The following STRIP2 variants were observed in gnomAD, a reference collection of about 807,000 sequenced individuals.
The protein encoded by STRIP2 is striatin-interacting protein 2.
A neutral mutation model predicts 107.1 loss-of-function variants in STRIP2; 84 were observed. That is an observed-to-expected ratio of 0.78 (90% CI 0.66 to 0.94). The LOEUF (loss-of-function observed/expected upper bound fraction) is 0.94. STRIP2 is among the 40% of genes least tolerant of loss of function. STRIP2 has a pLI of 0.00. For missense variants in STRIP2, 888 were observed against 1,034.2 expected (o/e 0.86, Z 1.94); for synonymous variants, 394 against 400.4 (o/e 0.98, Z 0.19).
chr7:129,448,581 AAGTAGGAATAT>A (rs1798098723), intron 3 of STRIP2, among the ~76,000 whole-genome samples: 1 of 152,092 alleles, frequency 6.6e-6, no homozygotes, highest in African/African-American at 2.4e-5. Flanking sequence ...TGCTTGTATA[AAGTAGGAATAT>A]AGTAGGCTTC....
intron 8 of STRIP2, among the ~76,000 whole-genome samples, chr7:129,455,916 G>A (rs113341335): frequency 0.013 from 1,928 of 152,270 alleles, 52 homozygotes; most frequent in African/African-American, 0.045. Flanking sequence ...TTACAGGCAT[G>A]AGCCATTGTG....
At chr7:129,468,351 A>G (rs1450044800) in intron 17 of STRIP2, among the ~76,000 whole-genome samples, 1 of 152,096 alleles carries the variant, frequency 6.6e-6, no homozygotes, top group Non-Finnish European at 1.5e-5. Flanking sequence ...AAACACACAC[A>G]CACCCTATGG....
At chr7:129,478,052 G>A (rs1799018318) in intron 18 of STRIP2, 2 of 369,398 alleles carry the variant, frequency 5.4e-6, no homozygotes, top group Admixed American at 3.5e-5. Flanking sequence ...TATTGGAATG[G>A]TGGTGATACG....
intron 18 of STRIP2, among the ~76,000 whole-genome samples, chr7:129,477,134 A>G (rs1798982492): frequency 7.0e-6 from 1 of 142,414 alleles, no homozygotes; most frequent in Admixed American, 7.1e-5. Context: ...AGTACAGTCC[A>G]GCTTCCGCTC....
chr7:129,460,937 G>A (rs553802593), intron 13 of STRIP2, among the ~76,000 whole-genome samples: 1 of 152,370 alleles, frequency 6.6e-6, no homozygotes, highest in East Asian at 1.9e-4. Flanking sequence ...CGCAGTCAAA[G>A]GGAAGGCAGC....
intron 3 of STRIP2, among the ~76,000 whole-genome samples, chr7:129,445,593 A>G (rs906705034): frequency 5.3e-5 from 8 of 152,214 alleles, no homozygotes; most frequent in African/African-American, 1.9e-4. Flanking sequence ...ATGCTGATTC[A>G]GAGCATACAC....
chr7:129,465,740 G>A (rs28478441), intron 16 of STRIP2, among the ~76,000 whole-genome samples: 1 of 152,164 alleles, frequency 6.6e-6, no homozygotes, highest in African/African-American at 2.4e-5. Context: ...TGGTTTCATG[G>A]GCATTGCCAA....
At chr7:129,479,726 A>G (rs1799070324) in intron 18 of STRIP2, among the ~76,000 whole-genome samples, 1 of 152,106 alleles carries the variant, frequency 6.6e-6, no homozygotes, top group East Asian at 1.9e-4. Context: ...TCCTGAACTC[A>G]GGTCATCTGC....
intron 18 of STRIP2, among the ~76,000 whole-genome samples, chr7:129,480,087 A>G (rs1799079846): frequency 6.6e-6 from 1 of 152,180 alleles, no homozygotes; most frequent in African/African-American, 2.4e-5. Context: ...AGCTTCTGAC[A>G]CCAGTATGTA....
At chr7:129,452,146 A>G (rs1050703813) in intron 4 of STRIP2, among the ~76,000 whole-genome samples, 2 of 152,192 alleles carry the variant, frequency 1.3e-5, no homozygotes, top group South Asian at 4.1e-4. Flanking sequence ...ACAGATACAC[A>G]TGGACCCCTT....
rs148499642 is a variant in STRIP2 at position 129,458,485 on chromosome 7, G to T, written c.1274+35G>T. On this transcript the variant is annotated intron_variant, in intron 10 of 20. Coordinates refer to ENST00000249344, the MANE Select transcript of STRIP2 (RefSeq NM_020704.3). The surrounding 1 kb of genome is among the most constrained non-coding windows in gnomAD (Gnocchi z 4.6). ...ATAGCATCAGGGACCCCTATGCTTC[G>T]GGGTTTCAGTCTCCAAAGGCCCAAG... The T allele has an allele frequency of 8.7e-6, 13 of 1,489,686 alleles. No homozygotes were observed. In the East Asian group the frequency reaches 2.9e-4, roughly 34 times the overall value. The allele number at this position is 1,489,686 out of a possible 1,614,324, so 92.3% of individuals were successfully genotyped here. A position where few individuals can be genotyped will look rare whatever the true frequency, so the allele number is the denominator to read the frequency against.
intron 13 of STRIP2, among the ~76,000 whole-genome samples, chr7:129,462,241 T>C (rs1401164557): frequency 6.6e-6 from 1 of 152,236 alleles, no homozygotes; most frequent in Non-Finnish European, 1.5e-5. Flanking sequence ...TACGTCCATT[T>C]AAGCAGCAGA....
At position 129,463,049 on chromosome 7, in the gene STRIP2, A is replaced by T; in HGVS notation, c.1551+9A>T. The T allele has an allele frequency of 6.2e-7, 1 of 1,610,024 alleles. No homozygotes were observed. The highest frequency in any genetic ancestry group is 8.5e-7 in the Non-Finnish European group (1 of 1,177,474). ...GCCTTCCGCAGTATATGGTAAGGAG[A>T]TGGCTAGGCCAGAGCTGCCCTTCTC... On this transcript the variant is annotated intron_variant, in intron 14 of 20. Coordinates refer to ENST00000249344, the MANE Select transcript of STRIP2 (RefSeq NM_020704.3).
Position 129,464,695 on chromosome 7 carries a change from T to C in STRIP2, c.1733T>C (p.Leu578Pro). ...EIIVKSISTL[L>P]LLLLKHFKLN... ...ATTGTAAAGAGTATCTCTACCCTGC[T>C]TCTGCTACTCCTCAAACACTTCAAA... Residue 578 changes from leucine to proline, a missense_variant, in exon 16 of 21, where the codon CTT becomes CCT. By Grantham distance (98) the Leu-to-Pro change is moderately conservative. Coordinates refer to ENST00000249344, the MANE Select transcript of STRIP2 (RefSeq NM_020704.3). The C allele has an allele frequency of 6.2e-7, 1 of 1,614,184 alleles. No individual in the cohort carries two copies. Among genetic ancestry groups the C allele is most frequent in the South Asian group, 1.1e-5 (1 of 91,080 alleles).
chr7:129,466,469 GA>G (rs1798673242), intron 16 of STRIP2, among the ~76,000 whole-genome samples: 1 of 152,146 alleles, frequency 6.6e-6, no homozygotes, highest in Admixed American at 6.5e-5. Flanking sequence ...GGTGATCAGA[GA>G]GCTGAGGATT....
intron 3 of STRIP2, among the ~76,000 whole-genome samples, chr7:129,445,664 T>C (rs1021021771): frequency 1.3e-5 from 2 of 152,174 alleles, no homozygotes; most frequent in African/African-American, 2.4e-5. Flanking sequence ...GGCATTGTAA[T>C]TGTGACTTCA....
intron 18 of STRIP2, among the ~76,000 whole-genome samples, chr7:129,471,092 C>A (rs1218354751): frequency 6.6e-6 from 1 of 152,098 alleles, no homozygotes; most frequent in Non-Finnish European, 1.5e-5. Flanking sequence ...GAGTTCACTT[C>A]TTATTTTCAT....
chr7:129,480,973 G>C, intron 19 of STRIP2, 84 bp downstream of exon 19: 2 of 1,027,662 alleles, frequency 1.9e-6, no homozygotes, highest in East Asian at 4.8e-5. Context: ...GTGCTACCTG[G>C]TTTGTGATCT....
rs2070456547 is a variant in STRIP2, at chr7:129,486,083, C to T, written c.*254C>T. ...GACAAGCTCTTTGGTAGGACCTTTT[C>T]CTGCTTTAGTCTTGGCTACAACCAG... On this transcript the variant is annotated 3_prime_UTR_variant, in exon 21 of 21. Coordinates refer to ENST00000249344, the MANE Select transcript of STRIP2 (RefSeq NM_020704.3). 2 of 427,116 alleles carry T rather than the reference C, an allele frequency of 4.7e-6. No homozygotes were observed. Among genetic ancestry groups the T allele is most frequent in the Admixed American group, 3.6e-5 (1 of 28,076 alleles). The allele number at this position is 427,116 out of a possible 1,614,324, so 26.5% of individuals were successfully genotyped here.
Sources: allele counts gnomAD v4.1 joint callset (sites outside exome capture counted in the v4.1 genomes callset), GRCh38; gene constraint gnomAD v4.1.1; non-coding constraint Gnocchi (gnomAD v3.1); transcripts MANE v1.5; gene names NCBI Gene and HGNC (gene_info 2026-07-23, HGNC 2026-07-21).